Variants in ZFPM1 observed in about 807,000 individuals in gnomAD.
ZFPM1 encodes zinc finger protein ZFPM1.
In ZFPM1, 28 loss-of-function variants were observed where a neutral mutation model predicts 46.3. The observed-to-expected ratio is 0.60, with a 90% confidence interval of 0.45 to 0.83. ZFPM1 has a LOEUF of 0.83. Among genes scored for constraint, ZFPM1 ranks in the 40% least tolerant of loss-of-function variants. The pLI is 0.00. For missense variants in ZFPM1, 1,878 were observed against 1,432.4 expected (o/e 1.31, Z -5.02); for synonymous variants, 957 against 675.9 (o/e 1.42, Z -6.45).
In ZFPM1 at chr16:88,469,806, G is replaced by A. The variant is rs993604083; in HGVS notation, c.40+16128G>A. Among the ~76,000 whole-genome samples the A allele has an allele frequency of 2.0e-5, 3 of 152,044 alleles. No individual in the cohort carries two copies. Among genetic ancestry groups the A allele is most frequent in the African/African-American group, 7.2e-5 (3 of 41,402 alleles). On this transcript the variant is annotated intron_variant, in intron 1 of 9. Transcript: ENST00000319555. The surrounding 1 kb of genome is among the most constrained non-coding windows in gnomAD (Gnocchi z 4.3). ...GATCTAAGGAGAGGAAGTAGGGAGG[G>A]GCCGTCCGACCAGAACCAGACATCA...
intron 6 of ZFPM1, among the ~76,000 whole-genome samples, chr16:88,528,838 G>A (rs8063184): frequency 0.016 from 2,463 of 152,318 alleles, 76 homozygotes; most frequent in African/African-American, 0.057. Context: ...TAAGTAGCTG[G>A]GACTTCAGGC....
At chr16:88,495,271 A>C (rs886699451) in intron 3 of ZFPM1, among the ~76,000 whole-genome samples, 7 of 152,156 alleles carry the variant, frequency 4.6e-5, no homozygotes, top group African/African-American at 1.7e-4. Flanking sequence ...GGCCACAAGG[A>C]AACAGGTGCA....
rs1909992637 is a variant in ZFPM1, at chr16:88,497,425, GGC to G, written c.268+8273_268+8274del. On this transcript the variant is annotated intron_variant, in intron 3 of 9. Transcript: ENST00000319555. The surrounding 1 kb of genome is among the most constrained non-coding windows in gnomAD (Gnocchi z 5.4). ...ATGGGGTTCAGAGGGGTCAGGGTGG[GGC>G]TCAGGGCCTGGGCGGGGATGGGGTT... Among the ~76,000 whole-genome samples, 6 of 149,570 alleles carry G rather than the reference GGC, an allele frequency of 4.0e-5. No homozygotes were observed. Among genetic ancestry groups the G allele is most frequent in the South Asian group, 2.1e-4 (1 of 4,688 alleles).
intron 1 of ZFPM1, 46 bp from the exon 2 acceptor site, chr16:88,485,893 G>C: frequency 1.3e-6 from 2 of 1,575,204 alleles, no homozygotes; most frequent in Non-Finnish European, 1.7e-6. Context: ...GGCAGGAGCT[G>C]TCCCCCCAGA....
At position 88,533,134 on chromosome 16, in the gene ZFPM1, C is replaced by T. The variant is rs1211363630; in HGVS notation, c.1190-14C>T. ...CCCCAGGCCTGAGGTGCCACCCCTG[C>T]GATCTCTCTGCAGACAGTCTGGGCA... On this transcript the variant is annotated splice_polypyrimidine_tract_variant and intron_variant, in intron 9 of 9. Coordinates refer to ENST00000319555, the MANE Select transcript of ZFPM1 (RefSeq NM_153813.3). 5 of 1,478,216 alleles carry T rather than the reference C, an allele frequency of 3.4e-6. No individual in the cohort carries two copies. The African/African-American group carries it at 4.2e-5, about 12-fold the overall frequency. 91.6% of individuals were successfully genotyped at this position (1,478,216 alleles called of 1,614,324 possible). A position where few individuals can be genotyped will look rare whatever the true frequency, so the allele number is the denominator to read the frequency against.
chr16:88,457,065 C>G (rs556144172), intron 1 of ZFPM1, among the ~76,000 whole-genome samples: 3 of 152,368 alleles, frequency 2.0e-5, no homozygotes, highest in South Asian at 4.1e-4. Context: ...TAATTCACTC[C>G]AAGCTTCAAA....
chr16:88,494,788 C>T (rs897039549), intron 3 of ZFPM1, among the ~76,000 whole-genome samples: 1 of 152,106 alleles, frequency 6.6e-6, no homozygotes, highest in African/African-American at 2.4e-5. Context: ...GAGAGAAGGG[C>T]TGGGGTCTGA....
At chr16:88,462,478 C>G (rs187023581) in intron 1 of ZFPM1, among the ~76,000 whole-genome samples, 3 of 152,252 alleles carry the variant, frequency 2.0e-5, no homozygotes, top group Admixed American at 2.0e-4. Flanking sequence ...TCTCACAGCA[C>G]ACAGTGGTGC....
At chr16:88,498,975 C>G (rs1356357015) in intron 3 of ZFPM1, among the ~76,000 whole-genome samples, 25 of 152,210 alleles carry the variant, frequency 1.6e-4, no homozygotes, top group Non-Finnish European at 3.5e-4. Flanking sequence ...ACCACCAGAC[C>G]CCAGGCCTGC....
chr16:88,507,555 A>G (rs1459942326), intron 3 of ZFPM1, among the ~76,000 whole-genome samples: 1 of 152,120 alleles, frequency 6.6e-6, no homozygotes, highest in African/African-American at 2.4e-5. Flanking sequence ...GGTTGGCTGG[A>G]CGGGGTATGA....
intron 4 of ZFPM1, chr16:88,522,111 C>T (rs955399064): frequency 1.1e-4 from 17 of 152,516 alleles, no homozygotes; most frequent in African/African-American, 4.1e-4. Context: ...AGCTGGTGCA[C>T]AAGGCCTGCC....
chr16:88,468,071 A>G, intron 1 of ZFPM1, among the ~76,000 whole-genome samples: 1 of 59,932 alleles, frequency 1.7e-5, no homozygotes, highest in African/African-American at 6.4e-5. Flanking sequence ...CACCGCCCCG[A>G]CCCACCCGCG....
intron 3 of ZFPM1, among the ~76,000 whole-genome samples, chr16:88,512,519 A>G (rs1911026564): frequency 6.6e-6 from 1 of 152,122 alleles, no homozygotes. Context: ...GGCTTCTCGG[A>G]CAAGGGGTCC....
intron 4 of ZFPM1, among the ~76,000 whole-genome samples, chr16:88,525,177 G>A (rs1387899948): frequency 6.6e-6 from 1 of 152,226 alleles, no homozygotes; most frequent in Non-Finnish European, 1.5e-5. Context: ...GTCTGGTCGT[G>A]CCCTGCCCAA....
Position 88,535,189 on chromosome 16 carries a change from T to G in ZFPM1, c.*210T>G. The G allele has an allele frequency of 2.0e-6, 1 of 498,456 alleles. No individual in the cohort carries two copies. The highest frequency in any genetic ancestry group is 3.1e-6 in the Non-Finnish European group (1 of 321,818). 30.9% of individuals were successfully genotyped at this position (498,456 alleles called of 1,614,324 possible). A position where few individuals can be genotyped will look rare whatever the true frequency, so the allele number is the denominator to read the frequency against. On this transcript the variant is annotated 3_prime_UTR_variant, in exon 10 of 10. Coordinates refer to ENST00000319555, the MANE Select transcript of ZFPM1 (RefSeq NM_153813.3). ...GCATGGTGGTGGGCCAGCCTAGTTC[T>G]CTGAGCCAGCAGGCACACGCAGCCA...
At chr16:88,522,824 C>G (rs1397790774) in intron 4 of ZFPM1, among the ~76,000 whole-genome samples, 1 of 152,170 alleles carries the variant, frequency 6.6e-6, no homozygotes, top group Non-Finnish European at 1.5e-5. Context: ...GGGTGCCGAG[C>G]CTGTGGCACC....
chr16:88,534,118 C>A lies in ZFPM1; in HGVS notation c.2160C>A (p.Pro720=). The A allele has an allele frequency of 5.4e-6, 6 of 1,116,230 alleles. No homozygotes were observed. Among genetic ancestry groups the A allele is most frequent in the Non-Finnish European group, 5.6e-6 (5 of 893,930 alleles). 69.1% of individuals were successfully genotyped at this position (1,116,230 alleles called of 1,614,324 possible). The part of the protein sequence containing the change: ...HDPPPRRPAA[P]PGPPGPAAPP... Reference sequence around the variant, plus strand: ...CGCCGCCGCGCCGACCGGCCGCGCCCCCGGGACCCCCTGGGCCGGCCGCGC... The same window carrying A: ...CGCCGCCGCGCCGACCGGCCGCGCCACCGGGACCCCCTGGGCCGGCCGCGC... Residue 720 remains proline (P), a synonymous_variant, in exon 10 of 10, where the codon CCC becomes CCA. Coordinates refer to ENST00000319555, the MANE Select transcript of ZFPM1 (RefSeq NM_153813.3).
At chr16:88,460,979 AG>A (rs1907813214) in intron 1 of ZFPM1, among the ~76,000 whole-genome samples, 3 of 9,544 alleles carry the variant, frequency 3.1e-4, no homozygotes, top group Non-Finnish European at 4.8e-4. Flanking sequence ...GTGAGGACCG[AG>A]GGGAGGGGCG....
In ZFPM1 at chr16:88,465,319, A is replaced by C. The variant is rs191776435; in HGVS notation, c.40+11641A>C. 7.1e-3 allele frequency among the ~76,000 whole-genome samples: 1,077 copies of C among 152,374 alleles called. 9 individuals are homozygous for C. The highest frequency in any genetic ancestry group is 0.021 in the African/African-American group (885 of 41,600). On this transcript the variant is annotated intron_variant, in intron 1 of 9. Coordinates refer to ENST00000319555, the MANE Select transcript of ZFPM1 (RefSeq NM_153813.3). ...TGCTGGGAGCTAGTAACCGTGGCCC[A>C]CAGGCCTGCGGGGAAGCCCTCTGTC...
Sources: gnomAD v4.1 joint callset for allele counts (sites outside exome capture counted in the v4.1 genomes callset) on GRCh38, gnomAD v4.1.1 for gene constraint, Gnocchi (gnomAD v3.1) non-coding constraint, MANE v1.5 for transcripts, NCBI Gene and HGNC (gene_info 2026-07-23, HGNC 2026-07-21) for gene names.